GPR15LG: variants seen among roughly 807,000 people sequenced by gnomAD.
The protein encoded by GPR15LG is G protein-coupled receptor 15 ligand, also known as protein GPR15LG.
chr10:84,175,652 G>A, the GPR15LG span, among the ~76,000 whole-genome samples: 2 of 152,060 alleles, frequency 1.3e-5, no homozygotes, highest in Non-Finnish European at 2.9e-5. Flanking sequence ...AAACAGGTGC[G>A]CACCACAATG....
At chr10:84,184,810 G>A in the GPR15LG span, 1 of 1,610,746 alleles carries the variant, frequency 6.2e-7, no homozygotes, top group East Asian at 2.2e-5. Context: ...CCTCATGCCT[G>A]GCACCTGAGG....
the GPR15LG span, among the ~76,000 whole-genome samples, chr10:84,180,020 C>T: frequency 9.2e-5 from 14 of 152,012 alleles, no homozygotes; most frequent in Admixed American, 9.2e-4. Context: ...AGGCAGAGGG[C>T]CTTGCCACCT....
At chr10:84,174,391 G>A in the GPR15LG span, among the ~76,000 whole-genome samples, 1 of 152,020 alleles carries the variant, frequency 6.6e-6, no homozygotes, top group African/African-American at 2.4e-5. Context: ...GAAGGTGTGT[G>A]TGGTAGGGAG....
the GPR15LG span, among the ~76,000 whole-genome samples, chr10:84,178,571 A>G: frequency 6.6e-6 from 1 of 151,852 alleles, no homozygotes; most frequent in African/African-American, 2.4e-5. Flanking sequence ...AAGCAATTAC[A>G]CACACACACT....
chr10:84,184,989 G>A, the GPR15LG span: 6 of 1,383,380 alleles, frequency 4.3e-6, no homozygotes, highest in African/African-American at 7.4e-5. Context: ...TCACCCCACA[G>A]GGCCTCAGTC....
the GPR15LG span, chr10:84,174,029 C>G: frequency 1.2e-6 from 1 of 842,514 alleles, no homozygotes; most frequent in East Asian, 2.4e-5. Context: ...CCTTGGCAGG[C>G]AGTCCTGAGC....
At chr10:84,178,683 C>T in the GPR15LG span, among the ~76,000 whole-genome samples, 2 of 152,206 alleles carry the variant, frequency 1.3e-5, no homozygotes, top group African/African-American at 2.4e-5. Context: ...GCATAGGAGA[C>T]GTGGCCATGT....
chr10:84,174,494 C>CTTTTT, the GPR15LG span, among the ~76,000 whole-genome samples: 4 of 98,736 alleles, frequency 4.1e-5, no homozygotes, highest in Non-Finnish European at 6.0e-5. Flanking sequence ...TTTCTTTTTT[C>CTTTTT]TTTTTTTTTT....
chr10:84,175,871 G>GCTTTTTTT, the GPR15LG span, among the ~76,000 whole-genome samples: 3 of 149,762 alleles, frequency 2.0e-5, no homozygotes, highest in South Asian at 6.4e-4. Flanking sequence ...CTTTATTCAG[G>GCTTTTTTT]CTTTTTTTCT....
At chr10:84,180,906 G>A in the GPR15LG span, among the ~76,000 whole-genome samples, 9 of 152,060 alleles carry the variant, frequency 5.9e-5, no homozygotes, top group South Asian at 2.1e-4. Context: ...CCAACATGGC[G>A]AAACCCCGTC....
the GPR15LG span, chr10:84,176,456 C>T: frequency 3.8e-6 from 6 of 1,570,266 alleles, no homozygotes; most frequent in African/African-American, 1.4e-5. Flanking sequence ...AAGACAGTCT[C>T]TCTTCCTTTG....
the GPR15LG span, among the ~76,000 whole-genome samples, chr10:84,177,986 G>A: frequency 1.3e-5 from 2 of 151,754 alleles, no homozygotes; most frequent in Non-Finnish European, 2.9e-5. Flanking sequence ...ACACACATAA[G>A]TAGATACACA....
the GPR15LG span, among the ~76,000 whole-genome samples, chr10:84,181,151 GCT>G: frequency 2.5e-5 from 2 of 80,034 alleles, no homozygotes; most frequent in African/African-American, 5.9e-5. Flanking sequence ...GAGGGAGAGG[GCT>G]GGGCTCAGCA....
At chr10:84,183,019 C>T in the GPR15LG span, among the ~76,000 whole-genome samples, 1 of 148,970 alleles carries the variant, frequency 6.7e-6, no homozygotes, top group Non-Finnish European at 1.5e-5. Flanking sequence ...AAAGCACTTA[C>T]CAATAGAAAA....
At chr10:84,177,456 A>C in the GPR15LG span, among the ~76,000 whole-genome samples, 1 of 152,176 alleles carries the variant, frequency 6.6e-6, no homozygotes, top group Non-Finnish European at 1.5e-5. Flanking sequence ...CACTCTCAAG[A>C]GGCTGAGGAG....
At chr10:84,184,832 C>T in the GPR15LG span, 32 of 1,599,646 alleles carry the variant, frequency 2.0e-5, no homozygotes, top group Non-Finnish European at 2.5e-5. Flanking sequence ...ACCCAGCAGC[C>T]TCCTGTCTCC....
the GPR15LG span, among the ~76,000 whole-genome samples, chr10:84,181,921 C>T: frequency 6.6e-6 from 1 of 152,150 alleles, no homozygotes; most frequent in African/African-American, 2.4e-5. Flanking sequence ...CATCCTGGGG[C>T]CACGGTGAAG....
At chr10:84,178,663 C>A in the GPR15LG span, among the ~76,000 whole-genome samples, 1 of 143,362 alleles carries the variant, frequency 7.0e-6, no homozygotes, top group Admixed American at 7.0e-5. Context: ...TACACCCAAG[C>A]ACACACAGTG....
the GPR15LG span, among the ~76,000 whole-genome samples, chr10:84,177,781 C>T: frequency 6.6e-6 from 1 of 152,192 alleles, no homozygotes; most frequent in Admixed American, 6.5e-5. Flanking sequence ...GCTCTGCTCC[C>T]CCAGGCCCCT....
Sources: gnomAD v4.1 joint callset for allele counts (sites outside exome capture counted in the v4.1 genomes callset) on GRCh38, gnomAD v4.1.1 for gene constraint, MANE v1.5 for transcripts, NCBI Gene and HGNC (gene_info 2026-07-23, HGNC 2026-07-21) for gene names.